Variants in ZNF813 observed in about 807,000 individuals in gnomAD.
The protein encoded by ZNF813 is zinc finger protein 813.
A neutral mutation model predicts 7.2 loss-of-function variants in ZNF813; 3 were observed. The ratio of observed to expected loss-of-function variants is 0.42; its 90% CI spans 0.19 to 1.08. The LOEUF (loss-of-function observed/expected upper bound fraction) is 1.08. ZNF813 is among the 50% of genes least tolerant of loss of function. The probability of loss-of-function intolerance (pLI) is 0.30; values close to 1 mark genes in which losing one functional copy is unlikely to be tolerated. For synonymous variants in ZNF813, 227 were observed against 256.3 expected (o/e 0.89, Z 1.09); for missense variants, 714 against 753.3 (o/e 0.95, Z 0.61).
intron 1 of ZNF813, among the ~76,000 whole-genome samples, chr19:53,481,344 CTTTTT>C (rs66842546): frequency 4.7e-5 from 5 of 106,374 alleles, no homozygotes; most frequent in African/African-American, 4.1e-5. Flanking sequence ...CCCATGTATT[CTTTTT>C]TTTTTTTTTT....
intron 3 of ZNF813, among the ~76,000 whole-genome samples, chr19:53,489,863 T>A (rs2708847): frequency 0.27 from 40,651 of 151,910 alleles, 6,427 homozygotes; most frequent in African/African-American, 0.45. Context: ...CACGCCTGGC[T>A]ACATTTTGTA....
In ZNF813 at chr19:53,468,219, GCCCC is replaced by G. The variant is rs34920971; in HGVS notation, c.-74+440_-74+443del. Among the ~76,000 whole-genome samples, 12 of 52,958 alleles carry G rather than the reference GCCCC, an allele frequency of 2.3e-4. No homozygotes were observed. In the East Asian group the frequency reaches 3.5e-3, roughly 15 times the overall value. 34.7% of individuals were successfully genotyped at this position (52,958 alleles called of 152,430 possible). A position where few individuals can be genotyped will look rare whatever the true frequency, so the allele number is the denominator to read the frequency against. On this transcript the variant is annotated intron_variant, in intron 1 of 3. Transcript: ENST00000396403. Reference sequence around the variant, plus strand: ...CACCCTTGTCTTAAGGCGCCCTCGCGCCCCCCCCCCCCCACCTCCCTCCTCCTGC... The same window carrying G: ...CACCCTTGTCTTAAGGCGCCCTCGCGCCCCCCCCCACCTCCCTCCTCCTGC...
In ZNF813 at chr19:53,486,755, C is replaced by G; in HGVS notation, c.139C>G (p.Leu47Val). 6.2e-7 allele frequency: 1 copy of G among 1,613,820 alleles called. No individual in the cohort carries two copies. Among genetic ancestry groups the G allele is most frequent in the Non-Finnish European group, 8.5e-7 (1 of 1,179,904 alleles). The change falls in exon 3 of 4, where the codon CTG (leucine) becomes GTG (valine). Residue 47 changes from leucine (L) to valine (V), a missense_variant. Coordinates refer to ENST00000396403, the MANE Select transcript of ZNF813 (RefSeq NM_001004301.4). ...GGAGAATTATAGGAACCTGGTCTCC[C>G]TGGGTGAGGATAACTTCCCTCCAGA... ...MLENYRNLVS[L>V]DISSKCMMKE...
chr19:53,481,344 C>CTTTTTTTTTT lies in ZNF813; in HGVS notation c.-73-2396_-73-2387dup, dbSNP rs66842546. 8.8e-4 allele frequency among the ~76,000 whole-genome samples: 94 copies of CTTTTTTTTTT among 106,358 alleles called. 3 individuals carry two copies. Among genetic ancestry groups the CTTTTTTTTTT allele is most frequent in the African/African-American group, 2.2e-3 (54 of 24,656 alleles). 69.8% of individuals were successfully genotyped at this position (106,358 alleles called of 152,430 possible). A position where few individuals can be genotyped will look rare whatever the true frequency, so the allele number is the denominator to read the frequency against. On this transcript the variant is annotated intron_variant, in intron 1 of 3. Coordinates refer to ENST00000396403, the MANE Select transcript of ZNF813 (RefSeq NM_001004301.4). The stretch of plus-strand genomic sequence containing the variant: ...GCTATTCTAAAAGCACCCATGTATT[C>CTTTTTTTTTT]TTTTTTTTTTTTTTTTTTTGAGATG...
In ZNF813 at chr19:53,494,209, G is replaced by GA. The variant is rs937644136; in HGVS notation, c.*2128dup. The GA allele has an allele frequency of 7.9e-5, 12 of 152,136 alleles. No homozygotes were observed. The highest frequency in any genetic ancestry group is 2.9e-4 in the African/African-American group (12 of 41,424). The allele number at this position is 152,136 out of a possible 1,614,324, so 9.4% of individuals were successfully genotyped here. On this transcript the variant is annotated 3_prime_UTR_variant, in exon 4 of 4. Transcript: ENST00000396403. ...ACAAGGGGTCTTCAAGAAGTTCATGGAAAAATACATATTTTGCATATTATG... is the reference window on the plus strand; with the variant it reads ...ACAAGGGGTCTTCAAGAAGTTCATGGAAAAAATACATATTTTGCATATTATG...
intron 2 of ZNF813, among the ~76,000 whole-genome samples, 167 bp from the exon 3 acceptor site, chr19:53,486,465 A>ACTT (rs1273422247): frequency 6.6e-6 from 1 of 151,392 alleles, no homozygotes; most frequent in Non-Finnish European, 1.5e-5. Context: ...AAAAAGCATA[A>ACTT]TAAAACACAG....
In ZNF813 at chr19:53,491,828, T is replaced by C. The variant is rs1368139982; in HGVS notation, c.1596T>C (p.Phe532=). ...AGTGTAATGAATGTGGCAAGGTTTT[T>C]AATCGAAAAACACACCTTGCACATC... The part of the protein sequence containing the change: ...PYKCNECGKV[F]NRKTHLAHHH... Residue 532 remains phenylalanine (F), a synonymous_variant, in exon 4 of 4, where the codon TTT becomes TTC. Coordinates refer to ENST00000396403, the MANE Select transcript of ZNF813 (RefSeq NM_001004301.4). 6.2e-7 allele frequency: 1 copy of C among 1,613,704 alleles called. No individual in the cohort carries two copies.
intron 2 of ZNF813, among the ~76,000 whole-genome samples, chr19:53,486,381 A>C (rs2086433935): frequency 6.7e-6 from 1 of 150,026 alleles, no homozygotes; most frequent in African/African-American, 2.5e-5. Flanking sequence ...TGGGAGGTGG[A>C]GGTTGCAGTG....
intron 1 of ZNF813, chr19:53,480,221 C>T (rs1425593693): frequency 1.3e-6 from 1 of 754,878 alleles, no homozygotes. Context: ...CTCTCACCAC[C>T]CCCTCCTCCC....
intron 1 of ZNF813, among the ~76,000 whole-genome samples, chr19:53,471,350 G>A (rs912279394): frequency 2.6e-5 from 4 of 152,064 alleles, no homozygotes; most frequent in Admixed American, 2.0e-4. Context: ...CAGGAGAATG[G>A]GTTTGGATGA....
chr19:53,477,362 C>T (rs540110876), intron 1 of ZNF813, among the ~76,000 whole-genome samples: 4 of 152,262 alleles, frequency 2.6e-5, no homozygotes, highest in South Asian at 2.1e-4. Context: ...TGGGTACTGA[C>T]GAACCTGAAA....
At chr19:53,481,900 C>G (rs2086410058) in intron 1 of ZNF813, among the ~76,000 whole-genome samples, 1 of 152,130 alleles carries the variant, frequency 6.6e-6, no homozygotes, top group African/African-American at 2.4e-5. Flanking sequence ...GAAGACCAAC[C>G]CTTCCCATTA....
chr19:53,476,611 AG>A (rs1391920187), intron 1 of ZNF813, among the ~76,000 whole-genome samples: 1 of 150,214 alleles, frequency 6.7e-6, no homozygotes, highest in Non-Finnish European at 1.5e-5. Flanking sequence ...CCTGGGCAAC[AG>A]AGCAAGACTC....
At chr19:53,476,811 C>A (rs2086384206) in intron 1 of ZNF813, among the ~76,000 whole-genome samples, 1 of 151,972 alleles carries the variant, frequency 6.6e-6, no homozygotes. Context: ...CTACAGGGGC[C>A]CGCCACCACG....
chr19:53,478,424 G>C lies in ZNF813; in HGVS notation c.-73-5326G>C, dbSNP rs541923259. On this transcript the variant is annotated intron_variant, in intron 1 of 3. Transcript: ENST00000396403. The stretch of plus-strand genomic sequence containing the variant: ...TGAGCTCAAAGGATCTTTCTGCCTT[G>C]GCCTTCCGAAATACTGGGATTACAG... 2.0e-5 allele frequency among the ~76,000 whole-genome samples: 3 copies of C among 152,050 alleles called. No homozygotes were observed. The East Asian group carries it at 5.8e-4, about 29-fold the overall frequency.
chr19:53,492,553 T>C lies in ZNF813; in HGVS notation c.*467T>C, dbSNP rs2086469044. 3.6e-6 allele frequency: 2 copies of C among 548,732 alleles called. No individual in the cohort carries two copies. The highest frequency in any genetic ancestry group is 6.9e-6 in the Non-Finnish European group (2 of 291,058). The allele number at this position is 548,732 out of a possible 1,614,324, so 34.0% of individuals were successfully genotyped here. On this transcript the variant is annotated 3_prime_UTR_variant, in exon 4 of 4. Transcript: ENST00000396403. ...CTGGAGAGAAACCTTACAAGTGTAA[T>C]GAGTCTGGCAAAGCCTTAATGAGCA...
At chr19:53,470,303 T>C (rs1174202580) in intron 1 of ZNF813, among the ~76,000 whole-genome samples, 1 of 152,252 alleles carries the variant, frequency 6.6e-6, no homozygotes, top group African/African-American at 2.4e-5. Flanking sequence ...AGAGGAAAAC[T>C]TGTTCTTCTC....
Position 53,493,255 on chromosome 19 carries a change from T to C in ZNF813, c.*1169T>C, listed in dbSNP as rs2086472120. 1 of 188,238 alleles carries C rather than the reference T, an allele frequency of 5.3e-6. No homozygotes were observed. Among genetic ancestry groups the C allele is most frequent in the Non-Finnish European group, 1.1e-5 (1 of 90,334 alleles). 11.7% of individuals were successfully genotyped at this position (188,238 alleles called of 1,614,324 possible). ...TTGCTTTTTGTTCTTTAACAAAAAC[T>C]GATAGGGATTTTTATGGGTACCGTG... On this transcript the variant is annotated 3_prime_UTR_variant, in exon 4 of 4. Coordinates refer to ENST00000396403, the MANE Select transcript of ZNF813 (RefSeq NM_001004301.4).
intron 3 of ZNF813, chr19:53,488,414 CT>C (rs369044232): frequency 0.059 from 13,836 of 236,082 alleles, no homozygotes; most frequent in South Asian, 0.12. Context: ...CCTTTTTTTT[CT>C]TTTTTTTTTT....
Sources: gnomAD v4.1 joint callset for allele counts (sites outside exome capture counted in the v4.1 genomes callset) on GRCh38, gnomAD v4.1.1 for gene constraint, MANE v1.5 for transcripts, NCBI Gene and HGNC (gene_info 2026-07-23, HGNC 2026-07-21) for gene names.